PIGG: variants seen among roughly 807,000 people sequenced by gnomAD.
The protein encoded by PIGG is phosphatidylinositol glycan anchor biosynthesis class G (EMM blood group), also known as GPI ethanolamine phosphate transferase 2, catalytic subunit.
PIGG carries 70 observed loss-of-function variants against 83.2 expected under a neutral mutation model. The ratio of observed to expected loss-of-function variants is 0.84; its 90% CI spans 0.69 to 1.03. The LOEUF is 1.03. Ranked by LOEUF, PIGG falls within the 50% of genes least tolerant of loss-of-function variation. The pLI is 0.00. For missense variants in PIGG, 1,257 were observed against 1,233.6 expected, an observed-to-expected ratio of 1.02 and a Z score of -0.28; for synonymous variants, 532 against 519.5, an observed-to-expected ratio of 1.02 and a Z score of -0.33.
chr4:508,583 C>T (rs1553881254), intron 4 of PIGG, among the ~76,000 whole-genome samples: 1 of 152,182 alleles, frequency 6.6e-6, no homozygotes. Flanking sequence ...AACCGTCTGC[C>T]ATCAGAGGGC....
intron 10 of PIGG, among the ~76,000 whole-genome samples, chr4:529,807 C>T (rs1430347713): frequency 1.3e-5 from 2 of 152,154 alleles, no homozygotes; most frequent in Non-Finnish European, 2.9e-5. Context: ...AGCTGAGGGT[C>T]AGAAGTCTTG....
chr4:501,493 G>C (rs948902031), intron 2 of PIGG: 2 of 196,214 alleles, frequency 1.0e-5, no homozygotes, highest in Non-Finnish European at 2.1e-5. Flanking sequence ...TATCGCATGT[G>C]AGCGTGGCAT....
At chr4:539,089 GTGT>G in intron 12 of PIGG, 61 bp from the exon 13 acceptor site, 2 of 1,050,630 alleles carry the variant, frequency 1.9e-6, no homozygotes, top group Non-Finnish European at 1.5e-6. Context: ...GAAAATAAAA[GTGT>G]TGTTACATGT....
chr4:516,166 T>C lies in PIGG; in HGVS notation c.1095T>C (p.Asn365=), dbSNP rs577223817. ...AGCTTAGTAAACTGTTGCAAGAGAATGTGCCGTCATATGAAAAAGGTCAGT... is the reference window on the plus strand; with the variant it reads ...AGCTTAGTAAACTGTTGCAAGAGAACGTGCCGTCATATGAAAAAGGTCAGT... ...TVQLSKLLQE[N]VPSYEKDPGF... The change falls in exon 6 of 13, where the codon AAT becomes AAC. Residue 365 remains asparagine, a synonymous_variant. Transcript: ENST00000453061. The C allele has an allele frequency of 3.7e-6, 6 of 1,613,306 alleles. No homozygotes were observed. The highest frequency in any genetic ancestry group is 1.3e-5 in the African/African-American group (1 of 75,050).
At chr4:522,341 A>G in intron 8 of PIGG, 1 of 403,088 alleles carries the variant, frequency 2.5e-6, no homozygotes, top group Non-Finnish European at 4.5e-6. Flanking sequence ...CTGGACACTC[A>G]GGAGGGTCAA....
At position 523,855 on chromosome 4, in the gene PIGG, C is replaced by T. The variant is rs944153904; in HGVS notation, c.2011C>T (p.Leu671=). Residue 671 remains leucine (L), a synonymous_variant, in exon 9 of 13, where the codon CTA becomes TTA. Coordinates refer to ENST00000453061, the MANE Select transcript of PIGG (RefSeq NM_001127178.3). ...ILACCRLLRS[L]NQTGVQWAHR... is the part of the protein sequence containing the mutation. ...GGCCTGCTGCCGGCTGCTGCGCTCC[C>T]TAAACCAGACAGGTGTGCAGTGGGC... 4.4e-6 allele frequency: 7 copies of T among 1,589,246 alleles called. No individual in the cohort carries two copies. Among genetic ancestry groups the T allele is most frequent in the Non-Finnish European group, 5.1e-6 (6 of 1,168,178 alleles).
chr4:512,746 C>T (rs1433903991), intron 5 of PIGG, among the ~76,000 whole-genome samples: 3 of 151,944 alleles, frequency 2.0e-5, no homozygotes, highest in Non-Finnish European at 4.4e-5. Flanking sequence ...ACCCGGGAGG[C>T]AGAGGTTGCA....
In PIGG at chr4:530,659, A is replaced by G. The variant is rs774241225; in HGVS notation, c.2485A>G (p.Lys829Glu). The G allele has an allele frequency of 1.9e-6, 3 of 1,613,614 alleles. No individual in the cohort carries two copies. The highest frequency in any genetic ancestry group is 2.5e-6 in the Non-Finnish European group (3 of 1,179,542). Residue 829 changes from lysine (K) to glutamate (E), a missense_variant, in exon 11 of 13, where the codon AAA (lysine) becomes GAA (glutamate). By Grantham distance (56) the Lys-to-Glu change is moderately conservative. Transcript: ENST00000453061. ...FSLLIQTLMT[K>E]FIWKPLRHDA... The stretch of plus-strand genomic sequence containing the variant: ...CCTCTTGATTCAGACTCTAATGACT[A>G]AATTCATCTGGAAGCCCCTGAGACA...
intron 5 of PIGG, among the ~76,000 whole-genome samples, chr4:513,918 G>A (rs573908156): frequency 1.1e-4 from 17 of 152,294 alleles, no homozygotes; most frequent in Admixed American, 2.0e-4. Flanking sequence ...GGTGACAAAG[G>A]TGGCATCTCA....
chr4:504,555 G>A (rs1718929755), intron 2 of PIGG, among the ~76,000 whole-genome samples: 1 of 152,190 alleles, frequency 6.6e-6, no homozygotes. Flanking sequence ...TTGCTCCTGG[G>A]AGAGAGATTT....
Position 527,180 on chromosome 4 carries a change from C to T in PIGG, c.2211C>T (p.Ala737=). The change falls in exon 10 of 13, where the codon GCC becomes GCT. Residue 737 remains alanine (A), a synonymous_variant. Coordinates refer to ENST00000453061, the MANE Select transcript of PIGG (RefSeq NM_001127178.3). ...GLLGVYCYRA[A]IGSVRFPWRP... is the part of the protein sequence containing the mutation. ...TGGGCGTCTACTGCTACCGGGCGGC[C>T]ATCGGGAGTGTCCGGTTCCCGTGGC... The T allele has an allele frequency of 6.2e-7, 1 of 1,612,762 alleles. No homozygotes were observed. Among genetic ancestry groups the T allele is most frequent in the Non-Finnish European group, 8.5e-7 (1 of 1,179,504 alleles).
At chr4:536,915 G>C (rs983550127) in intron 12 of PIGG, 1 of 152,238 alleles carries the variant, frequency 6.6e-6, no homozygotes, top group Non-Finnish European at 1.5e-5. Context: ...TTTGGTCTTC[G>C]GCCTTGCAGC....
At chr4:520,740 A>C (rs1294776151) in intron 6 of PIGG, among the ~76,000 whole-genome samples, 1 of 152,248 alleles carries the variant, frequency 6.6e-6, no homozygotes, top group East Asian at 1.9e-4. Flanking sequence ...AGGGAGAAGG[A>C]AGTAAGAGCG....
chr4:503,877 CACACACACAG>C (rs1718659891), intron 2 of PIGG, among the ~76,000 whole-genome samples: 1 of 140,012 alleles, frequency 7.1e-6, no homozygotes. Context: ...CACACACACA[CACACACACAG>C]AAAAGAGTCC....
chr4:499,266 C>A lies in PIGG; in HGVS notation c.-70C>A. On this transcript the variant is annotated 5_prime_UTR_variant, in exon 1 of 13. Coordinates refer to ENST00000453061, the MANE Select transcript of PIGG (RefSeq NM_001127178.3). ...TTGCTTAGAGGCGGCTACCTGGAGC[C>A]GGAAGCGCGGCTGCAGCAGGGCGAG... The A allele has an allele frequency of 6.5e-7, 1 of 1,542,058 alleles. No homozygotes were observed. Among genetic ancestry groups the A allele is most frequent in the Non-Finnish European group, 8.8e-7 (1 of 1,141,510 alleles).
chr4:530,877 T>C (rs1028724962), intron 11 of PIGG, 132 bp downstream of exon 11: 1 of 672,898 alleles, frequency 1.5e-6, no homozygotes, highest in Non-Finnish European at 2.6e-6. Context: ...CGCTGAACTC[T>C]CGTGTATTTT....
At chr4:533,734 G>A in intron 11 of PIGG, 84 bp from the exon 12 acceptor site, 7 of 1,335,764 alleles carry the variant, frequency 5.2e-6, no homozygotes, top group East Asian at 2.3e-5. Flanking sequence ...CACAGTTCAC[G>A]CTAACATCGT....
chr4:521,024 G>A, intron 6 of PIGG, 32 bp from the exon 7 acceptor site: 2 of 1,422,074 alleles, frequency 1.4e-6, no homozygotes, highest in Admixed American at 1.7e-5. Flanking sequence ...CGGTGTGTGT[G>A]CGCGCCTGTA....
intron 12 of PIGG, among the ~76,000 whole-genome samples, chr4:536,011 G>A (rs910338948): frequency 7.9e-5 from 12 of 152,218 alleles, no homozygotes; most frequent in South Asian, 2.1e-4. Context: ...ACCCAGGCAC[G>A]CACACCCGTG....
Sources: gnomAD v4.1 joint callset for allele counts (sites outside exome capture counted in the v4.1 genomes callset) on GRCh38, gnomAD v4.1.1 for gene constraint, MANE v1.5 for transcripts, NCBI Gene and HGNC (gene_info 2026-07-23, HGNC 2026-07-21) for gene names.